NRXN3: variants seen among roughly 807,000 people sequenced by gnomAD.
The protein encoded by NRXN3 is neurexin 3.
NRXN3 carries 32 observed loss-of-function variants against 137.6 expected under a neutral mutation model. The observed-to-expected ratio is 0.23, with a 90% CI of 0.18 to 0.31. NRXN3 has a LOEUF of 0.31. Among genes scored for constraint, NRXN3 ranks in the 10% least tolerant of loss-of-function variants. The pLI is 1.00. For synonymous variants in NRXN3, 798 were observed against 784.5 expected (o/e 1.02, Z -0.29); for missense variants, 1,574 against 2,062.5 (o/e 0.76, Z 4.59).
chr14:78,746,147 G>C (rs1382809884), intron 8 of NRXN3, among the ~76,000 whole-genome samples: 7 of 152,216 alleles, frequency 4.6e-5, no homozygotes, highest in Non-Finnish European at 1.5e-5. Context: ...GCCATGGCTT[G>C]CTAGAGAAAA....
intron 15 of NRXN3, among the ~76,000 whole-genome samples, chr14:79,261,237 A>G (rs1341439052): frequency 1.3e-5 from 2 of 152,188 alleles, no homozygotes; most frequent in Non-Finnish European, 1.5e-5. Flanking sequence ...AGAGAAGCAG[A>G]ACATAATTCA....
At chr14:78,518,279 G>A (rs1233085144) in intron 4 of NRXN3, among the ~76,000 whole-genome samples, 2 of 152,084 alleles carry the variant, frequency 1.3e-5, no homozygotes, top group Non-Finnish European at 2.9e-5. Context: ...AAGAGGCTGG[G>A]TTTTGGTTTC....
intron 8 of NRXN3, among the ~76,000 whole-genome samples, chr14:78,779,287 C>A (rs543745148): frequency 6.6e-6 from 1 of 151,850 alleles, no homozygotes; most frequent in Admixed American, 6.5e-5. Flanking sequence ...AAAATCATTT[C>A]AAAAATGTAG....
intron 16 of NRXN3, among the ~76,000 whole-genome samples, chr14:79,596,165 C>T (rs1478416434): frequency 6.6e-6 from 1 of 151,796 alleles, no homozygotes; most frequent in Admixed American, 6.6e-5. Context: ...TCCTTCCTCT[C>T]CTTTTTGAGC....
At chr14:78,747,257 C>G (rs1215681732) in intron 8 of NRXN3, among the ~76,000 whole-genome samples, 1 of 152,204 alleles carries the variant, frequency 6.6e-6, no homozygotes, top group African/African-American at 2.4e-5. Context: ...CTTAACCTCT[C>G]TAAGCCTCAG....
chr14:78,744,726 C>T (rs1015463280), intron 8 of NRXN3: 2 of 152,088 alleles, frequency 1.3e-5, no homozygotes, highest in Non-Finnish European at 2.9e-5. Context: ...AAGGCAAGTG[C>T]CTCCTCTGGG....
chr14:79,217,163 A>AAGAT (rs1346555252), intron 15 of NRXN3, among the ~76,000 whole-genome samples: 130 of 152,026 alleles, frequency 8.6e-4, no homozygotes, highest in African/African-American at 3.1e-3. Flanking sequence ...GAAAGAAAGA[A>AAGAT]AGAAAAGAGG....
rs532280358 is a variant in NRXN3, at chr14:78,731,631, CTG to C, written c.2044+16508_2044+16509del. On this transcript the variant is annotated intron_variant, in intron 8 of 20. Transcript: ENST00000335750. ...TATGTGTGTGTGTGTGTGTGTGTCT[CTG>C]TGTGTGTGTGTGTGTATTCTATTCT... 6.8e-4 allele frequency among the ~76,000 whole-genome samples: 100 copies of C among 146,732 alleles called. 1 individual carries two copies. The East Asian group carries it at 7.8e-3, about 11-fold the overall frequency.
rs185763443 is a variant in NRXN3 at position 78,525,310 on chromosome 14, T to C, written c.758-119810T>C. 1.2e-3 allele frequency among the ~76,000 whole-genome samples: 183 copies of C among 152,302 alleles called. 1 individual carries two copies. Among genetic ancestry groups the C allele is most frequent in the African/African-American group, 3.9e-3 (162 of 41,570 alleles). On this transcript the variant is annotated intron_variant, in intron 4 of 20. Transcript: ENST00000335750. Reference sequence around the variant, plus strand: ...ACTGCTGGTATGGGTCAGGGGACTGTTGTGCTGAATCAGAGGATGTAGGAT... The same window carrying C: ...ACTGCTGGTATGGGTCAGGGGACTGCTGTGCTGAATCAGAGGATGTAGGAT...
chr14:79,656,515 A>G (rs1376054949), intron 16 of NRXN3, among the ~76,000 whole-genome samples: 1 of 151,786 alleles, frequency 6.6e-6, no homozygotes, highest in Non-Finnish European at 1.5e-5. Context: ...TTTGACTTGC[A>G]TCTTATTTAC....
chr14:78,711,162 C>T (rs1469946424), intron 7 of NRXN3, among the ~76,000 whole-genome samples: 1 of 151,968 alleles, frequency 6.6e-6, no homozygotes, highest in Non-Finnish European at 1.5e-5. Context: ...GGTTAGGTCA[C>T]GGTGGACGGG....
intron 6 of NRXN3, among the ~76,000 whole-genome samples, chr14:78,700,780 TTTTCTTTC>T (rs201515344): frequency 3.3e-5 from 5 of 152,056 alleles, no homozygotes; most frequent in Non-Finnish European, 7.4e-5. Context: ...AACTTTTTCT[TTTTCTTTC>T]TTTCTTTCTT....
At chr14:78,510,530 T>G (rs1391103981) in intron 4 of NRXN3, among the ~76,000 whole-genome samples, 2 of 152,202 alleles carry the variant, frequency 1.3e-5, no homozygotes, top group Non-Finnish European at 2.9e-5. Context: ...CTTACCCTTT[T>G]GCTTTCAGAA....
intron 10 of NRXN3, among the ~76,000 whole-genome samples, chr14:78,943,275 T>G (rs1329606294): frequency 6.6e-6 from 1 of 152,212 alleles, no homozygotes; most frequent in South Asian, 2.1e-4. Flanking sequence ...CTAATGGTGA[T>G]GAAGAAGACT....
intron 8 of NRXN3, among the ~76,000 whole-genome samples, chr14:78,728,704 TG>T (rs1301550418): frequency 7.9e-5 from 12 of 152,072 alleles, no homozygotes; most frequent in Non-Finnish European, 1.6e-4. Flanking sequence ...GAGACCAGCC[TG>T]GCCAACATAG....
intron 16 of NRXN3, among the ~76,000 whole-genome samples, chr14:79,581,539 G>A (rs964626579): frequency 3.3e-5 from 5 of 152,282 alleles, no homozygotes; most frequent in Non-Finnish European, 7.3e-5. Context: ...AGCTCATGGG[G>A]TGTTTTCGTC....
chr14:79,580,877 T>C (rs1459450697), intron 16 of NRXN3, among the ~76,000 whole-genome samples: 4 of 151,980 alleles, frequency 2.6e-5, no homozygotes, highest in Non-Finnish European at 5.9e-5. Context: ...GTGTGCACGG[T>C]ATAAGAAAAA....
chr14:79,307,690 C>T (rs1057068195), intron 15 of NRXN3, among the ~76,000 whole-genome samples: 1 of 152,082 alleles, frequency 6.6e-6, no homozygotes, highest in Non-Finnish European at 1.5e-5. Flanking sequence ...CTTTCGTTCT[C>T]CAGCAATGTC....
chr14:78,435,899 A>C (rs1373120657), intron 4 of NRXN3, among the ~76,000 whole-genome samples: 1 of 152,220 alleles, frequency 6.6e-6, no homozygotes, highest in Non-Finnish European at 1.5e-5. Context: ...GCTGTTCCCC[A>C]AAATGCATGC....
Sources: allele counts gnomAD v4.1 joint callset (sites outside exome capture counted in the v4.1 genomes callset), GRCh38; gene constraint gnomAD v4.1.1; transcripts MANE v1.5; gene names NCBI Gene and HGNC (gene_info 2026-07-23, HGNC 2026-07-21).